The following AMBRA1 variants were observed in gnomAD, a reference collection of about 807,000 sequenced individuals.
AMBRA1 encodes activating molecule in BECN1-regulated autophagy protein 1.
A neutral mutation model predicts 125.4 loss-of-function variants in AMBRA1; 47 were observed. The ratio of observed to expected loss-of-function variants is 0.37; its 90% CI spans 0.30 to 0.48. The LOEUF (loss-of-function observed/expected upper bound fraction) is 0.48. AMBRA1 is among the 20% of genes least tolerant of loss of function. The pLI is 0.99. For missense variants in AMBRA1, 1,331 were observed against 1,693.4 expected, an observed-to-expected ratio of 0.79 and a Z score of 3.76; for synonymous variants, 626 against 655.5, an observed-to-expected ratio of 0.95 and a Z score of 0.69.
intron 1 of AMBRA1, among the ~76,000 whole-genome samples, chr11:46,592,765 A>T (rs1159180433): frequency 6.6e-6 from 1 of 151,882 alleles, no homozygotes; most frequent in Admixed American, 6.6e-5. Flanking sequence ...TAAAAAAAAA[A>T]AAGAAAAAAG....
At chr11:46,497,132 A>G (rs1454082513) in intron 9 of AMBRA1, among the ~76,000 whole-genome samples, 1 of 151,818 alleles carries the variant, frequency 6.6e-6, no homozygotes, top group African/African-American at 2.4e-5. Context: ...AATAAATAAA[A>G]TAAAATAAAA....
chr11:46,442,378 C>T (rs558871321), intron 12 of AMBRA1, among the ~76,000 whole-genome samples: 25 of 151,750 alleles, frequency 1.6e-4, no homozygotes, highest in African/African-American at 5.6e-4. Flanking sequence ...CCTGGGATCA[C>T]GTGATCCTCC....
chr11:46,560,386 G>A (rs1403321603), intron 1 of AMBRA1, among the ~76,000 whole-genome samples: 2 of 152,200 alleles, frequency 1.3e-5, no homozygotes, highest in African/African-American at 4.8e-5. Flanking sequence ...GGGGAGAAGT[G>A]AAGCACCAGC....
intron 1 of AMBRA1, among the ~76,000 whole-genome samples, chr11:46,564,548 T>C (rs962234394): frequency 5.9e-5 from 9 of 152,026 alleles, no homozygotes; most frequent in Admixed American, 5.2e-4. Context: ...CATTATACAA[T>C]ACTGCTTCTA....
intron 7 of AMBRA1, among the ~76,000 whole-genome samples, chr11:46,528,702 T>C (rs982761796): frequency 6.6e-6 from 1 of 152,214 alleles, no homozygotes; most frequent in Non-Finnish European, 1.5e-5. Context: ...TAGAGATCTA[T>C]TGAACAATAA....
chr11:46,524,941 T>G (rs1295352429), intron 7 of AMBRA1, among the ~76,000 whole-genome samples: 1 of 152,226 alleles, frequency 6.6e-6, no homozygotes, highest in East Asian at 1.9e-4. Context: ...TGTTGGTCCA[T>G]CCAACCGGTG....
Position 46,594,015 on chromosome 11 carries a change from A to G in AMBRA1, c.-308T>C, listed in dbSNP as rs1422270299. The stretch of plus-strand genomic sequence containing the variant: ...CGCCGCCGCCGCTCAGGAGACATCA[A>G]GCAAGAAGACGGCGCAAAAGATCAC... On this transcript the variant is annotated 5_prime_UTR_variant, in exon 1 of 18. Coordinates refer to ENST00000683756, the MANE Select transcript of AMBRA1 (RefSeq NM_001387011.1). The G allele has an allele frequency of 2.5e-6, 1 of 398,550 alleles. No individual in the cohort carries two copies. Among genetic ancestry groups the G allele is most frequent in the African/African-American group, 2.1e-5 (1 of 48,648 alleles). The allele number at this position is 398,550 out of a possible 1,614,324, so 24.7% of individuals were successfully genotyped here.
intron 11 of AMBRA1, among the ~76,000 whole-genome samples, chr11:46,457,597 C>T (rs189316003): frequency 1.4e-3 from 211 of 152,150 alleles, no homozygotes; most frequent in African/African-American, 4.8e-3. Flanking sequence ...TTGGTGGTGA[C>T]GGTTGCTTAT....
intron 7 of AMBRA1, among the ~76,000 whole-genome samples, chr11:46,522,344 A>G (rs1424241041): frequency 6.6e-6 from 1 of 152,264 alleles, no homozygotes; most frequent in African/African-American, 2.4e-5. Flanking sequence ...AACTCACTTT[A>G]GTTAGCAAGT....
At chr11:46,576,056 C>G (rs2043950927) in intron 1 of AMBRA1, among the ~76,000 whole-genome samples, 1 of 152,184 alleles carries the variant, frequency 6.6e-6, no homozygotes, top group Non-Finnish European at 1.5e-5. Context: ...TCTATGGAAG[C>G]TGCAGATGTT....
intron 12 of AMBRA1, among the ~76,000 whole-genome samples, chr11:46,436,666 C>A (rs1211436354): frequency 6.6e-6 from 1 of 152,058 alleles, no homozygotes; most frequent in Non-Finnish European, 1.5e-5. Context: ...AAAACAAAAA[C>A]AAAACACGGC....
At chr11:46,559,874 G>C (rs1284346125) in intron 1 of AMBRA1, among the ~76,000 whole-genome samples, 1 of 152,062 alleles carries the variant, frequency 6.6e-6, no homozygotes, top group Non-Finnish European at 1.5e-5. Flanking sequence ...CTATCTTAAA[G>C]GAATAAAATC....
chr11:46,505,117 T>G (rs1331702978), intron 9 of AMBRA1, among the ~76,000 whole-genome samples: 1 of 152,194 alleles, frequency 6.6e-6, no homozygotes, highest in African/African-American at 2.4e-5. Flanking sequence ...GTAACCTAAT[T>G]GTTAGGAGGA....
intron 11 of AMBRA1, among the ~76,000 whole-genome samples, chr11:46,462,655 C>A (rs1473845455): frequency 6.6e-6 from 1 of 152,114 alleles, no homozygotes. Flanking sequence ...ATACTGCCCC[C>A]ACTATCTAGA....
At chr11:46,428,868 G>C (rs1247052186) in intron 14 of AMBRA1, 1 of 1,611,580 alleles carries the variant, frequency 6.2e-7, no homozygotes, top group Non-Finnish European at 8.5e-7. Flanking sequence ...CGGCTACGGC[G>C]TAGGATGGCA....
At chr11:46,564,457 G>C (rs996298840) in intron 1 of AMBRA1, among the ~76,000 whole-genome samples, 4 of 152,230 alleles carry the variant, frequency 2.6e-5, no homozygotes, top group Middle Eastern at 3.4e-3. Flanking sequence ...GGCATAAAGA[G>C]GCTAAATGAT....
At chr11:46,460,004 G>C (rs769320987) in intron 11 of AMBRA1, among the ~76,000 whole-genome samples, 5 of 152,142 alleles carry the variant, frequency 3.3e-5, no homozygotes, top group Non-Finnish European at 7.3e-5. Flanking sequence ...TAAGAAGTAA[G>C]AGTGTTATAG....
intron 9 of AMBRA1, among the ~76,000 whole-genome samples, chr11:46,497,798 T>C (rs2134993972): frequency 6.6e-6 from 1 of 152,180 alleles, no homozygotes; most frequent in South Asian, 2.1e-4. Flanking sequence ...AAAGGCACAG[T>C]TCCAAATAAC....
At chr11:46,568,846 G>A (rs1244452701) in intron 1 of AMBRA1, among the ~76,000 whole-genome samples, 1 of 96,658 alleles carries the variant, frequency 1.0e-5, no homozygotes, top group African/African-American at 4.5e-5. Flanking sequence ...TTGTTCTGTT[G>A]CCCAGGCTGG....
Sources: allele counts gnomAD v4.1 joint callset (sites outside exome capture counted in the v4.1 genomes callset), GRCh38; gene constraint gnomAD v4.1.1; transcripts MANE v1.5; gene names NCBI Gene and HGNC (gene_info 2026-07-23, HGNC 2026-07-21).